Variants in LAMP1 observed in about 807,000 individuals in gnomAD.
The protein encoded by LAMP1 is lysosome-associated membrane glycoprotein 1.
In LAMP1, 7 loss-of-function variants were observed where a neutral mutation model predicts 37.5. The observed-to-expected ratio is 0.19, with a 90% CI of 0.11 to 0.35. The LOEUF is 0.35. Ranked by LOEUF, LAMP1 falls within the 10% of genes least tolerant of loss-of-function variation. The pLI, the probability that LAMP1 is intolerant of heterozygous loss-of-function variation, is 1.00. For synonymous variants in LAMP1, 236 were observed against 229.1 expected (o/e 1.03, Z -0.27); for missense variants, 537 against 552.8 (o/e 0.97, Z 0.29).
At chr13:113,300,663 A>T (rs946018094) in intron 1 of LAMP1, among the ~76,000 whole-genome samples, 1 of 151,778 alleles carries the variant, frequency 6.6e-6, no homozygotes, top group Non-Finnish European at 1.5e-5. Context: ...AAATATTTTT[A>T]AAAAGTTAGC....
Position 113,322,286 on chromosome 13 carries a change from GGA to G in LAMP1, c.1121_1122del (p.Glu374ValfsTer85). ...ACCATCCGTCTGTCTTGGCAGTGGA[GGA>G]GTGTCTGCTGGACGAGAACAGCATG... ...VEGGQFGSVE[E>X]CLLDENSMLI... On this transcript the variant is annotated frameshift_variant, in exon 9 of 9. Transcript: ENST00000332556. LOFTEE classifies it high-confidence loss of function. The G allele has an allele frequency of 6.2e-7, 1 of 1,612,022 alleles. No individual in the cohort carries two copies. Among genetic ancestry groups the G allele is most frequent in the South Asian group, 1.1e-5 (1 of 90,950 alleles).
Position 113,309,859 on chromosome 13 carries a change from A to C in LAMP1, c.400A>C (p.Lys134Gln). 6.2e-7 allele frequency: 1 copy of C among 1,611,596 alleles called. No homozygotes were observed. The highest frequency in any genetic ancestry group is 8.5e-7 in the Non-Finnish European group (1 of 1,178,948). ...ACACCTTTTCCCCAATGCGAGCTCC[A>C]AAGGTAAGAACCAAAATGGGCCGAT... ...DTHLFPNASS[K>Q]EIKTVESITD... The change falls in exon 3 of 9, where the codon AAA becomes CAA. Residue 134 changes from lysine (K) to glutamine (Q), a missense_variant. Lys to Gln is a moderately conservative substitution (Grantham distance 53). Transcript: ENST00000332556.
intron 4 of LAMP1, among the ~76,000 whole-genome samples, chr13:113,313,006 G>T (rs78892052): frequency 1.3e-5 from 2 of 152,200 alleles, no homozygotes; most frequent in African/African-American, 2.4e-5. Flanking sequence ...GGAAGGGCAC[G>T]CACTCTCTGT....
At position 113,322,523 on chromosome 13, in the gene LAMP1, A is replaced by G. The variant is rs2042708440; in HGVS notation, c.*102A>G. The G allele has an allele frequency of 3.7e-6, 4 of 1,094,296 alleles. No homozygotes were observed. In the Admixed American group the frequency reaches 7.6e-5, roughly 21 times the overall value. 67.8% of individuals were successfully genotyped at this position (1,094,296 alleles called of 1,614,324 possible). ...CACACTTTCTGGCAAACGTTTCTCAAATCTGCTTCATCCAATGTGAAGTTC... is the reference window on the plus strand; with the variant it reads ...CACACTTTCTGGCAAACGTTTCTCAGATCTGCTTCATCCAATGTGAAGTTC... On this transcript the variant is annotated 3_prime_UTR_variant, in exon 9 of 9. Transcript: ENST00000332556.
chr13:113,321,695 C>G lies in LAMP1; in HGVS notation c.1082C>G (p.Ala361Gly). The change falls in exon 8 of 9, where the codon GCT becomes GGT. Residue 361 changes from alanine to glycine, a missense_variant. Coordinates refer to ENST00000332556, the MANE Select transcript of LAMP1 (RefSeq NM_005561.4). The surrounding 1 kb of genome is among the most constrained non-coding windows in gnomAD (Gnocchi z 5.6). ...SVNIFKVWVQ[A>G]FKVEGGQFGS... is the part of the protein sequence containing the mutation. ...AATATATTCAAAGTGTGGGTCCAGG[C>G]TTTCAAGGTGGAAGGTGGCCAGTTT... 6.2e-7 allele frequency: 1 copy of G among 1,614,174 alleles called. No individual in the cohort carries two copies. The highest frequency in any genetic ancestry group is 8.5e-7 in the Non-Finnish European group (1 of 1,180,022).
At chr13:113,315,418 C>G (rs1469959876) in intron 4 of LAMP1, among the ~76,000 whole-genome samples, 1 of 104,664 alleles carries the variant, frequency 9.6e-6, no homozygotes, top group Non-Finnish European at 1.8e-5. Flanking sequence ...GAGAGGGAGT[C>G]TTGCTCTGTT....
chr13:113,303,024 G>C (rs1260502957), intron 1 of LAMP1, among the ~76,000 whole-genome samples: 1 of 152,248 alleles, frequency 6.6e-6, no homozygotes, highest in East Asian at 1.9e-4. Flanking sequence ...ACTGAGGATT[G>C]AATGATGAAC....
chr13:113,315,179 C>T (rs1361099013), intron 4 of LAMP1, among the ~76,000 whole-genome samples: 15 of 137,598 alleles, frequency 1.1e-4, no homozygotes, highest in Non-Finnish European at 2.4e-4. Flanking sequence ...GGCGTGGCCT[C>T]CCGGAGGGAG....
intron 1 of LAMP1, among the ~76,000 whole-genome samples, chr13:113,303,530 T>C (rs2042584296): frequency 6.6e-6 from 1 of 152,046 alleles, no homozygotes; most frequent in Non-Finnish European, 1.5e-5. Flanking sequence ...GTCTTTTTTT[T>C]TTTTTGCTAC....
chr13:113,304,326 C>T (rs1372288551), intron 1 of LAMP1, among the ~76,000 whole-genome samples: 3 of 152,206 alleles, frequency 2.0e-5, no homozygotes, highest in Non-Finnish European at 2.9e-5. Flanking sequence ...TCCCTGTCCA[C>T]GCTGAGCTCC....
intron 1 of LAMP1, among the ~76,000 whole-genome samples, chr13:113,302,540 C>A (rs1268880019): frequency 6.6e-6 from 1 of 152,144 alleles, no homozygotes; most frequent in African/African-American, 2.4e-5. Flanking sequence ...AGATGGTAAT[C>A]TTTAATGTCA....
Position 113,321,836 on chromosome 13 carries a change from C to A in LAMP1, c.1114+109C>A. 1 of 1,062,580 alleles carries A rather than the reference C, an allele frequency of 9.4e-7. No individual in the cohort carries two copies. The highest frequency in any genetic ancestry group is 2.4e-5 in the East Asian group (1 of 41,048). 65.8% of individuals were successfully genotyped at this position (1,062,580 alleles called of 1,614,324 possible). On this transcript the variant is annotated intron_variant, in intron 8 of 8. Coordinates refer to ENST00000332556, the MANE Select transcript of LAMP1 (RefSeq NM_005561.4). The surrounding 1 kb of genome is among the most constrained non-coding windows in gnomAD (Gnocchi z 5.6). ...GGGCTGGGGCGACGCCCCTGTTCCTCTGCAAGGAGCTGTTTCTTCTTGCCG... is the reference window on the plus strand; with the variant it reads ...GGGCTGGGGCGACGCCCCTGTTCCTATGCAAGGAGCTGTTTCTTCTTGCCG...
intron 1 of LAMP1, among the ~76,000 whole-genome samples, chr13:113,303,513 GTTTT>G (rs1326804455): frequency 6.6e-6 from 1 of 151,606 alleles, no homozygotes; most frequent in East Asian, 1.9e-4. Flanking sequence ...CTTACTTGAG[GTTTT>G]TTGTCTTTTT....
intron 2 of LAMP1, among the ~76,000 whole-genome samples, chr13:113,307,332 A>AT (rs2042605281): frequency 6.7e-6 from 1 of 150,088 alleles, no homozygotes; most frequent in Admixed American, 6.7e-5. Flanking sequence ...TGATTTTTGT[A>AT]TTTTTGGTAG....
chr13:113,309,738 T>G lies in LAMP1; in HGVS notation c.279T>G (p.Ala93=). The change falls in exon 3 of 9, where the codon GCT becomes GCG. Residue 93 remains alanine, a synonymous_variant. Coordinates refer to ENST00000332556, the MANE Select transcript of LAMP1 (RefSeq NM_005561.4). ...ENTSDPSLVI[A]FGRGHTLTLN... ...CTTCTGACCCCAGTCTCGTGATTGC[T>G]TTTGGAAGAGGACATACACTCACTC... The G allele has an allele frequency of 6.2e-7, 1 of 1,614,178 alleles. No individual in the cohort carries two copies. Among genetic ancestry groups the G allele is most frequent in the Non-Finnish European group, 8.5e-7 (1 of 1,180,006 alleles).
chr13:113,322,123 T>C, intron 8 of LAMP1, 159 bp from the exon 9 acceptor site: 1 of 781,172 alleles, frequency 1.3e-6, no homozygotes, highest in Non-Finnish European at 2.1e-6. Flanking sequence ...CACCAGTCTC[T>C]GCAGCGGCTT....
Position 113,320,505 on chromosome 13 carries a change from A to G in LAMP1, c.876+35A>G, listed in dbSNP as rs772997252. The G allele has an allele frequency of 3.1e-6, 5 of 1,596,356 alleles. No individual in the cohort carries two copies. The highest frequency in any genetic ancestry group is 2.2e-5 in the South Asian group (2 of 90,904). ...GGGCGGCACCTCTCTGGGGGCGCCC[A>G]CTGTGTCTCCACCACATCTTTTTGT... On this transcript the variant is annotated intron_variant, in intron 6 of 8. Transcript: ENST00000332556. This position sits in a 1 kb window ranked among gnomAD's most constrained non-coding sequence, Gnocchi z 4.4.
chr13:113,317,393 C>T (rs901290368), intron 4 of LAMP1, among the ~76,000 whole-genome samples: 9 of 152,280 alleles, frequency 5.9e-5, no homozygotes, highest in South Asian at 2.1e-4. Context: ...GGTAGAAGGA[C>T]GAGGGCATTT....
At chr13:113,298,627 G>C (rs1362955396) in intron 1 of LAMP1, among the ~76,000 whole-genome samples, 2 of 151,780 alleles carry the variant, frequency 1.3e-5, no homozygotes, top group Non-Finnish European at 2.9e-5. Flanking sequence ...TTTTTGTTTT[G>C]CCTGTTGTGT....
Sources: gnomAD v4.1 joint callset for allele counts (sites outside exome capture counted in the v4.1 genomes callset) on GRCh38, gnomAD v4.1.1 for gene constraint, Gnocchi (gnomAD v3.1) non-coding constraint, MANE v1.5 for transcripts, NCBI Gene and HGNC (gene_info 2026-07-23, HGNC 2026-07-21) for gene names.